ASIC2: variants seen among roughly 807,000 people sequenced by gnomAD.
ASIC2 encodes the protein acid-sensing ion channel 2.
In ASIC2, 25 loss-of-function variants were observed where a neutral mutation model predicts 57.3. The observed-to-expected ratio is 0.44, with a 90% CI of 0.32 to 0.61. The LOEUF (loss-of-function observed/expected upper bound fraction) is 0.61, where lower values mean the gene tolerates loss of function less well. ASIC2 is among the 20% of genes least tolerant of loss of function. The pLI, the probability that ASIC2 is intolerant of heterozygous loss-of-function variation, is 0.06. For missense variants in ASIC2, 641 were observed against 738.1 expected (o/e 0.87, Z 1.52); for synonymous variants, 319 against 307.5 (o/e 1.04, Z -0.39).
chr17:34,019,802 T>C (rs1039101543), intron 1 of ASIC2, among the ~76,000 whole-genome samples: 1 of 152,224 alleles, frequency 6.6e-6, no homozygotes, highest in Non-Finnish European at 1.5e-5. Context: ...GTATTTGTCA[T>C]GATTCTGAGA....
chr17:33,336,088 C>T (rs939043856), intron 1 of ASIC2, among the ~76,000 whole-genome samples: 2 of 152,080 alleles, frequency 1.3e-5, no homozygotes, highest in African/African-American at 4.8e-5. Context: ...AGACCTTGGT[C>T]TGCCTCCTGG....
At chr17:33,631,228 A>C (rs1906157746) in intron 1 of ASIC2, among the ~76,000 whole-genome samples, 1 of 151,948 alleles carries the variant, frequency 6.6e-6, no homozygotes, top group South Asian at 2.1e-4. Flanking sequence ...AGAAATCTGT[A>C]CTTTGAGAAC....
intron 1 of ASIC2, among the ~76,000 whole-genome samples, chr17:33,865,406 C>A (rs1914205786): frequency 1.3e-5 from 2 of 152,112 alleles, no homozygotes; most frequent in Admixed American, 6.6e-5. Context: ...AAAAATTCAA[C>A]AGTACAGACA....
At chr17:33,929,655 C>T (rs531836776) in intron 1 of ASIC2, among the ~76,000 whole-genome samples, 4 of 152,320 alleles carry the variant, frequency 2.6e-5, no homozygotes, top group African/African-American at 9.6e-5. Flanking sequence ...GCCCTTTGTC[C>T]TGCCAGTCTT....
intron 1 of ASIC2, among the ~76,000 whole-genome samples, chr17:33,344,127 T>C (rs542208092): frequency 1.3e-5 from 2 of 152,314 alleles, no homozygotes; most frequent in South Asian, 4.1e-4. Flanking sequence ...GATAATTGGT[T>C]AGTTGAGGGC....
chr17:33,202,462 C>T (rs532574821), intron 1 of ASIC2, among the ~76,000 whole-genome samples: 27 of 152,160 alleles, frequency 1.8e-4, no homozygotes, highest in Admixed American at 1.0e-3. Flanking sequence ...GCTCAGAGAC[C>T]TCATCCCCCT....
chr17:34,032,071 A>G (rs149822940), intron 1 of ASIC2, among the ~76,000 whole-genome samples: 7,612 of 152,220 alleles, frequency 0.05, 632 homozygotes, highest in African/African-American at 0.17. Flanking sequence ...CAGATGAACC[A>G]AAGTTGGAAT....
intron 1 of ASIC2, among the ~76,000 whole-genome samples, chr17:33,183,765 T>TGGTTTATA (rs1906080071): frequency 6.6e-6 from 1 of 152,192 alleles, no homozygotes; most frequent in Admixed American, 6.5e-5. Flanking sequence ...TATTTTCCTG[T>TGGTTTATA]GGTTTATATG....
intron 1 of ASIC2, among the ~76,000 whole-genome samples, chr17:33,514,284 C>T (rs1914505769): frequency 6.6e-6 from 1 of 152,294 alleles, no homozygotes; most frequent in South Asian, 2.1e-4. Context: ...CATGACACAG[C>T]AAGGCCCCAA....
intron 1 of ASIC2, among the ~76,000 whole-genome samples, chr17:33,498,807 T>C (rs979888442): frequency 4.6e-5 from 7 of 152,120 alleles, no homozygotes; most frequent in African/African-American, 1.7e-4. Context: ...GTGTGTGCCA[T>C]GGCCTTGGGG....
chr17:33,356,857 G>T (rs948557550), intron 1 of ASIC2, among the ~76,000 whole-genome samples: 9 of 152,004 alleles, frequency 5.9e-5, no homozygotes, highest in African/African-American at 1.9e-4. Flanking sequence ...TGTGTCTGTT[G>T]CTCACTGCTG....
chr17:33,147,793 C>T (rs1758542209), intron 1 of ASIC2, among the ~76,000 whole-genome samples: 1 of 152,194 alleles, frequency 6.6e-6, no homozygotes, highest in African/African-American at 2.4e-5. Context: ...ACATCCATCA[C>T]TTTTAAATGC....
chr17:33,533,108 G>A (rs1056315676), intron 1 of ASIC2, among the ~76,000 whole-genome samples: 9 of 152,184 alleles, frequency 5.9e-5, no homozygotes, highest in South Asian at 2.1e-4. Flanking sequence ...CACTTTGGGA[G>A]GCTGAGGCAG....
At chr17:33,272,338 G>C (rs1296655209) in intron 1 of ASIC2, among the ~76,000 whole-genome samples, 6 of 152,120 alleles carry the variant, frequency 3.9e-5, no homozygotes, top group Non-Finnish European at 8.8e-5. Flanking sequence ...TGAAGGCAAG[G>C]ACTGTGTCTG....
At chr17:33,338,380 G>A (rs2040202944) in intron 1 of ASIC2, among the ~76,000 whole-genome samples, 2 of 152,176 alleles carry the variant, frequency 1.3e-5, no homozygotes, top group Admixed American at 1.3e-4. Flanking sequence ...GAAGTGTATG[G>A]CAGAGGTTAG....
intron 1 of ASIC2, among the ~76,000 whole-genome samples, chr17:33,201,522 C>T (rs914807642): frequency 2.6e-5 from 4 of 152,324 alleles, no homozygotes; most frequent in Middle Eastern, 3.4e-3. Flanking sequence ...AACGTTACCA[C>T]CCCCTTTCAT....
At chr17:33,720,454 G>T (rs1034017650) in intron 1 of ASIC2, among the ~76,000 whole-genome samples, 9 of 152,130 alleles carry the variant, frequency 5.9e-5, no homozygotes, top group African/African-American at 2.2e-4. Flanking sequence ...TTTTGCAAAG[G>T]AAGAAATTGC....
intron 1 of ASIC2, among the ~76,000 whole-genome samples, chr17:33,284,091 C>T (rs1002941123): frequency 6.6e-6 from 1 of 152,078 alleles, no homozygotes; most frequent in Non-Finnish European, 1.5e-5. Flanking sequence ...GCTCAATAAA[C>T]GTGTGTGGAA....
At chr17:33,951,140 T>C (rs2141985206) in intron 1 of ASIC2, among the ~76,000 whole-genome samples, 1 of 152,300 alleles carries the variant, frequency 6.6e-6, no homozygotes, top group African/African-American at 2.4e-5. Context: ...GCAAGATTAT[T>C]ATGATTAGTA....
Sources: allele counts gnomAD v4.1 joint callset (sites outside exome capture counted in the v4.1 genomes callset), GRCh38; gene constraint gnomAD v4.1.1; transcripts MANE v1.5; gene names NCBI Gene and HGNC (gene_info 2026-07-23, HGNC 2026-07-21).